ITPR1: variants seen among roughly 807,000 people sequenced by gnomAD.
The protein encoded by ITPR1 is inositol 1,4,5-trisphosphate receptor type 1, also known as inositol 1,4,5-trisphosphate-gated calcium channel ITPR1.
In ITPR1, 96 loss-of-function variants were observed where a neutral mutation model predicts 318.4. The ratio of observed to expected loss-of-function variants is 0.30; its 90% CI spans 0.26 to 0.36. The LOEUF is 0.36. ITPR1 is among the 10% of genes least tolerant of loss of function. ITPR1 has a pLI of 1.00. For synonymous variants in ITPR1, 1,312 were observed against 1,289.9 expected, an observed-to-expected ratio of 1.02 and a Z score of -0.37; for missense variants, 2,440 against 3,460.2, an observed-to-expected ratio of 0.71 and a Z score of 7.40.
intron 4 of ITPR1, among the ~76,000 whole-genome samples, chr3:4,606,942 G>C (rs2091746836): frequency 6.6e-6 from 1 of 152,162 alleles, no homozygotes; most frequent in Non-Finnish European, 1.5e-5. Flanking sequence ...TGGAATGGCT[G>C]GAGTGAAGTA....
In ITPR1 at chr3:4,710,178, C is replaced by G. The variant is rs912703882; in HGVS notation, c.4843-147C>G. ...GTTTCAGGTAACCATTGGGCAATGT[C>G]TAATAATTTGAGATGCCAGACGGTA... On this transcript the variant is annotated intron_variant, in intron 37 of 61. Coordinates refer to ENST00000649015, the MANE Select transcript of ITPR1 (RefSeq NM_001378452.1). This position sits in a 1 kb window ranked among gnomAD's most constrained non-coding sequence, Gnocchi z 4.2. 1.4e-5 allele frequency: 9 copies of G among 642,898 alleles called. No individual in the cohort carries two copies. The highest frequency in any genetic ancestry group is 1.9e-5 in the Non-Finnish European group (8 of 429,618). The allele number at this position is 642,898 out of a possible 1,614,324, so 39.8% of individuals were successfully genotyped here.
intron 2 of ITPR1, among the ~76,000 whole-genome samples, chr3:4,507,234 C>T (rs377548617): frequency 1.7e-4 from 26 of 152,018 alleles, no homozygotes; most frequent in East Asian, 7.7e-4. Context: ...GAAAACTTCA[C>T]TGTACATGTG....
chr3:4,658,209 G>T lies in ITPR1; in HGVS notation c.1082G>T (p.Gly361Val). 6.2e-7 allele frequency: 1 copy of T among 1,613,678 alleles called. No individual in the cohort carries two copies. Among genetic ancestry groups the T allele is most frequent in the Non-Finnish European group, 8.5e-7 (1 of 1,179,716 alleles). The change falls in exon 13 of 62, where the codon GGC (glycine) becomes GTC (valine). Residue 361 changes from glycine (G) to valine (V), a missense_variant. Gly to Val is a moderately radical substitution (Grantham distance 109, BLOSUM62 -3). This residue lies in a region of ITPR1 where 101 missense variants were observed against 119.6 expected (regional missense o/e 0.84). Transcript: ENST00000649015. Reference sequence around the variant, plus strand: ...TACTCCCTGGTCTCTGTGCCTGAAGGCAATGACATCTCCTCCATTTTCGAG... The same window carrying T: ...TACTCCCTGGTCTCTGTGCCTGAAGTCAATGACATCTCCTCCATTTTCGAG... ...MVYSLVSVPE[G>V]NDISSIFELD...
At chr3:4,547,448 T>C (rs533575899) in intron 4 of ITPR1, among the ~76,000 whole-genome samples, 10 of 152,190 alleles carry the variant, frequency 6.6e-5, no homozygotes, top group Non-Finnish European at 1.3e-4. Flanking sequence ...TACTTCCATT[T>C]CCCTCTAGAT....
Position 4,768,557 on chromosome 3 carries a change from C to G in ITPR1, c.5772C>G (p.Leu1924=). The part of the protein sequence containing the change: ...TQITEEVRDQ[L]LEASAATRKA... The stretch of plus-strand genomic sequence containing the variant: ...TAACAGAAGAGGTCCGGGATCAGCT[C>G]CTGGAGGCCTCCGCTGCCACCAGGA... Residue 1924 remains leucine (L), a synonymous_variant, in exon 46 of 62, where the codon CTC becomes CTG. Coordinates refer to ENST00000649015, the MANE Select transcript of ITPR1 (RefSeq NM_001378452.1). 2 of 1,614,006 alleles carry G rather than the reference C, an allele frequency of 1.2e-6. No individual in the cohort carries two copies. Among genetic ancestry groups the G allele is most frequent in the East Asian group, 4.5e-5 (2 of 44,888 alleles).
chr3:4,820,900 G>A (rs2049668461), intron 60 of ITPR1, among the ~76,000 whole-genome samples: 1 of 152,206 alleles, frequency 6.6e-6, no homozygotes, highest in South Asian at 2.1e-4. Context: ...TGGTGGGGGT[G>A]GGGGCTGGGG....
intron 26 of ITPR1, among the ~76,000 whole-genome samples, chr3:4,682,634 A>G (rs1327175443): frequency 6.6e-6 from 1 of 152,226 alleles, no homozygotes; most frequent in Non-Finnish European, 1.5e-5. Context: ...TACAGGTTCC[A>G]TGTGCTGTGT....
intron 4 of ITPR1, among the ~76,000 whole-genome samples, chr3:4,522,622 C>A (rs1331096464): frequency 6.6e-6 from 1 of 152,180 alleles, no homozygotes; most frequent in African/African-American, 2.4e-5. Flanking sequence ...TCTTCTCAAT[C>A]CTTCTTTCAT....
At chr3:4,501,759 A>G (rs1365152116) in intron 2 of ITPR1, among the ~76,000 whole-genome samples, 1 of 152,098 alleles carries the variant, frequency 6.6e-6, no homozygotes, top group Non-Finnish European at 1.5e-5. Flanking sequence ...CATTTGGGGG[A>G]GCTTTTATTC....
chr3:4,615,741 T>C (rs1167565528), intron 4 of ITPR1, among the ~76,000 whole-genome samples: 1 of 152,164 alleles, frequency 6.6e-6, no homozygotes. Context: ...TCATTGTAAG[T>C]AGCTAAATAA....
rs1476882320 is a variant in ITPR1 at position 4,744,143 on chromosome 3, G to T, written c.5544+8789G>T. Among the ~76,000 whole-genome samples the T allele has an allele frequency of 4.6e-5, 7 of 152,296 alleles. No homozygotes were observed. In the East Asian group the frequency reaches 1.4e-3, roughly 29 times the overall value. The stretch of plus-strand genomic sequence containing the variant: ...GAGCCACCACGCTGGCTAGGAATTT[G>T]TTTCTAAGAGGAGATGTCTTCAGAG... On this transcript the variant is annotated intron_variant, in intron 44 of 61. Coordinates refer to ENST00000649015, the MANE Select transcript of ITPR1 (RefSeq NM_001378452.1).
At chr3:4,589,764 TAA>T (rs10713338) in intron 4 of ITPR1, among the ~76,000 whole-genome samples, 15 of 148,902 alleles carry the variant, frequency 1.0e-4, no homozygotes, top group African/African-American at 3.7e-4. Context: ...CCAGAAGAAT[TAA>T]AAAAAAAAAT....
chr3:4,652,000 A>T (rs1312113404), intron 10 of ITPR1, 123 bp from the exon 11 acceptor site: 3 of 752,696 alleles, frequency 4.0e-6, no homozygotes, highest in African/African-American at 1.7e-5. Flanking sequence ...TTTGTTGAAG[A>T]TGCTGATTTT....
chr3:4,653,931 G>A (rs759500937), intron 12 of ITPR1, 45 bp downstream of exon 12: 29 of 1,390,180 alleles, frequency 2.1e-5, no homozygotes, highest in East Asian at 2.1e-4. Flanking sequence ...GGTAGGGTGC[G>A]GCCAAATGAT....
At chr3:4,548,525 C>T (rs972267108) in intron 4 of ITPR1, among the ~76,000 whole-genome samples, 2 of 152,118 alleles carry the variant, frequency 1.3e-5, no homozygotes, top group African/African-American at 2.4e-5. Flanking sequence ...CACCTTTTCC[C>T]GAAGCCCGTA....
chr3:4,827,274 A>T (rs6766684), intron 60 of ITPR1, among the ~76,000 whole-genome samples: 1 of 151,962 alleles, frequency 6.6e-6, no homozygotes, highest in South Asian at 2.1e-4. Context: ...CCCCTGCTTC[A>T]ACTCCTTCAT....
chr3:4,777,229 C>T (rs1045110918), intron 47 of ITPR1, 35 bp from the exon 48 acceptor site: 13 of 1,285,342 alleles, frequency 1.0e-5, no homozygotes, highest in East Asian at 4.9e-5. Context: ...TTATGACCAG[C>T]GTTTGTGTGA....
chr3:4,533,084 C>A (rs1265494436), intron 4 of ITPR1, among the ~76,000 whole-genome samples: 2 of 152,000 alleles, frequency 1.3e-5, no homozygotes, highest in African/African-American at 2.4e-5. Context: ...TGGTTGGGAG[C>A]GTTGGGTCAA....
At chr3:4,815,354 A>C in intron 59 of ITPR1, 136 bp downstream of exon 59, 1 of 725,978 alleles carries the variant, frequency 1.4e-6, no homozygotes, top group Non-Finnish European at 2.3e-6. Flanking sequence ...CTTCGTCTTG[A>C]CTCTTCTACC....
Sources: gnomAD v4.1 joint callset for allele counts (sites outside exome capture counted in the v4.1 genomes callset) on GRCh38, gnomAD v4.1.1 for gene constraint, gnomAD v4.1.1 regional missense constraint, Gnocchi (gnomAD v3.1) non-coding constraint, MANE v1.5 for transcripts, NCBI Gene and HGNC (gene_info 2026-07-23, HGNC 2026-07-21) for gene names.